Variants in GRIA1 observed in about 807,000 individuals in gnomAD.
The protein encoded by GRIA1 is glutamate ionotropic receptor AMPA type subunit 1, also known as glutamate receptor 1.
GRIA1 carries 31 observed loss-of-function variants against 99.2 expected under a neutral mutation model. The ratio of observed to expected loss-of-function variants is 0.31; its 90% confidence interval spans 0.23 to 0.42. GRIA1 has a LOEUF of 0.42. Among genes scored for constraint, GRIA1 ranks in the 10% least tolerant of loss-of-function variants. GRIA1 has a pLI of 1.00. For missense variants in GRIA1, 782 were observed against 1,157.5 expected (o/e 0.68, Z 4.71); for synonymous variants, 438 against 432.4 (o/e 1.01, Z -0.16).
intron 13 of GRIA1, among the ~76,000 whole-genome samples, chr5:153,788,085 GA>G (rs34230296): frequency 0.62 from 91,138 of 147,338 alleles, 28,611 homozygotes; most frequent in East Asian, 0.94. Context: ...TTCTCAAAAA[GA>G]AAAAAAAAAA....
At chr5:153,527,917 A>C (rs1004677849) in intron 2 of GRIA1, among the ~76,000 whole-genome samples, 3 of 152,218 alleles carry the variant, frequency 2.0e-5, no homozygotes, top group African/African-American at 7.2e-5. Context: ...TAGGTTGTCC[A>C]TCATGTATTT....
At chr5:153,654,107 A>G (rs1246304269) in intron 4 of GRIA1, among the ~76,000 whole-genome samples, 2 of 152,068 alleles carry the variant, frequency 1.3e-5, no homozygotes, top group East Asian at 3.9e-4. Context: ...ATGAAGTGTA[A>G]CCTCCAAGAG....
chr5:153,771,016 G>A (rs934370198), intron 13 of GRIA1, among the ~76,000 whole-genome samples: 2 of 152,150 alleles, frequency 1.3e-5, no homozygotes, highest in East Asian at 1.9e-4. Flanking sequence ...TTACTTTCAC[G>A]AAAAGAAATC....
chr5:153,534,436 C>G (rs990263640), intron 2 of GRIA1, among the ~76,000 whole-genome samples: 1 of 152,132 alleles, frequency 6.6e-6, no homozygotes, highest in East Asian at 1.9e-4. Flanking sequence ...CTAGGGAAAG[C>G]AAAACGGCCA....
intron 7 of GRIA1, among the ~76,000 whole-genome samples, chr5:153,680,671 T>A (rs767128067): frequency 1.3e-5 from 2 of 152,070 alleles, no homozygotes; most frequent in Non-Finnish European, 2.9e-5. Context: ...CATATGGAAG[T>A]GAAGGTATGC....
In GRIA1 at chr5:153,568,951, C is replaced by G. The variant is rs182364591; in HGVS notation, c.220+74886C>G. 4.8e-3 allele frequency among the ~76,000 whole-genome samples: 727 copies of G among 152,236 alleles called. 4 individuals carry two copies. Among genetic ancestry groups the G allele is most frequent in the Middle Eastern group, 0.02 (6 of 294 alleles). ...ACACCCTGGAATGCCCTTTCCCATC[C>G]TTTCTACTGCCTTCAAGGCTCTGCT... On this transcript the variant is annotated intron_variant, in intron 2 of 15. Transcript: ENST00000285900.
intron 11 of GRIA1, among the ~76,000 whole-genome samples, chr5:153,739,574 T>C (rs560518746): frequency 6.6e-6 from 1 of 152,328 alleles, no homozygotes; most frequent in East Asian, 1.9e-4. Flanking sequence ...AGCTGTGAGA[T>C]ATAAAATAAT....
At chr5:153,520,904 G>A (rs574071) in intron 2 of GRIA1, among the ~76,000 whole-genome samples, 50,541 of 152,058 alleles carry the variant, frequency 0.33, 11,040 homozygotes, top group African/African-American at 0.62. Flanking sequence ...CATGAAGCAG[G>A]TAATGTTTTA....
intron 2 of GRIA1, among the ~76,000 whole-genome samples, chr5:153,561,710 T>TAGCA (rs1761141315): frequency 6.6e-6 from 1 of 152,194 alleles, no homozygotes; most frequent in Admixed American, 6.5e-5. Context: ...ATTATAAGTC[T>TAGCA]CAGTATAGGA....
chr5:153,804,691 T>C (rs1315957080), intron 15 of GRIA1, among the ~76,000 whole-genome samples: 1 of 151,938 alleles, frequency 6.6e-6, no homozygotes, highest in Non-Finnish European at 1.5e-5. Flanking sequence ...TCATCTTAGG[T>C]TTTAGTAACT....
At chr5:153,723,424 C>A (rs1760228856) in intron 11 of GRIA1, among the ~76,000 whole-genome samples, 1 of 152,238 alleles carries the variant, frequency 6.6e-6, no homozygotes, top group Non-Finnish European at 1.5e-5. Context: ...CATGCACGAG[C>A]TGAAGCAGGG....
At chr5:153,771,518 C>T (rs1179999348) in intron 13 of GRIA1, among the ~76,000 whole-genome samples, 2 of 152,312 alleles carry the variant, frequency 1.3e-5, no homozygotes, top group Admixed American at 1.3e-4. Flanking sequence ...TCCCTGTCCT[C>T]ATGCCACTAC....
At chr5:153,662,429 C>T (rs992259221) in intron 5 of GRIA1, among the ~76,000 whole-genome samples, 4 of 152,178 alleles carry the variant, frequency 2.6e-5, no homozygotes, top group African/African-American at 7.2e-5. Context: ...GTGAAAATAT[C>T]TAAGCCTCAT....
At chr5:153,532,025 T>G (rs1422469365) in intron 2 of GRIA1, among the ~76,000 whole-genome samples, 1 of 152,182 alleles carries the variant, frequency 6.6e-6, no homozygotes, top group Non-Finnish European at 1.5e-5. Context: ...TATTTTGACT[T>G]CATGTATCTT....
At chr5:153,776,631 G>C (rs1764270233) in intron 13 of GRIA1, among the ~76,000 whole-genome samples, 1 of 152,152 alleles carries the variant, frequency 6.6e-6, no homozygotes, top group East Asian at 1.9e-4. Context: ...CACCATTTTA[G>C]CCTCACTGGC....
intron 14 of GRIA1, among the ~76,000 whole-genome samples, chr5:153,799,434 C>A (rs1765857028): frequency 6.6e-6 from 1 of 152,186 alleles, no homozygotes; most frequent in East Asian, 1.9e-4. Flanking sequence ...CTTAGAAAGA[C>A]CGTATCAAAA....
At chr5:153,726,529 A>G (rs1350628438) in intron 11 of GRIA1, among the ~76,000 whole-genome samples, 4 of 152,050 alleles carry the variant, frequency 2.6e-5, no homozygotes, top group African/African-American at 9.7e-5. Context: ...GAAGAATCAA[A>G]TAGATGCAAT....
chr5:153,551,422 C>A (rs556619318), intron 2 of GRIA1, among the ~76,000 whole-genome samples: 2 of 151,914 alleles, frequency 1.3e-5, no homozygotes, highest in South Asian at 4.2e-4. Flanking sequence ...TTCATTTGAA[C>A]CTTTGATAGA....
In GRIA1 at chr5:153,813,784, T is replaced by C. The variant is rs1426503000; in HGVS notation, c.*2559T>C. The stretch of plus-strand genomic sequence containing the variant: ...ACTAAGTATTTTTTTGGTTCTTGTT[T>C]TTCTTTCAAATAGCCAGGTTTTTTT... On this transcript the variant is annotated 3_prime_UTR_variant, in exon 16 of 16. Coordinates refer to ENST00000285900, the MANE Select transcript of GRIA1 (RefSeq NM_000827.4). 2 of 152,262 alleles carry C rather than the reference T, an allele frequency of 1.3e-5. No individual in the cohort carries two copies. The highest frequency in any genetic ancestry group is 4.8e-5 in the African/African-American group (2 of 41,466). 9.4% of individuals were successfully genotyped at this position (152,262 alleles called of 1,614,324 possible).
Sources: gnomAD v4.1 joint callset for allele counts (sites outside exome capture counted in the v4.1 genomes callset) on GRCh38, gnomAD v4.1.1 for gene constraint, MANE v1.5 for transcripts, NCBI Gene and HGNC (gene_info 2026-07-23, HGNC 2026-07-21) for gene names.